Variants in KRAS observed in about 807,000 individuals in gnomAD.
The protein encoded by KRAS is GTPase KRas.
KRAS carries 1 observed loss-of-function variant against 21.0 expected under a neutral mutation model. That is an observed-to-expected ratio of 0.05 (90% CI 0.02 to 0.23). The LOEUF (loss-of-function observed/expected upper bound fraction) is 0.23. Among genes scored for constraint, KRAS ranks in the 10% least tolerant of loss-of-function variants. The pLI is 1.00. For missense variants in KRAS, 107 were observed against 221.8 expected (o/e 0.48, Z 3.29); for synonymous variants, 67 against 72.5 (o/e 0.92, Z 0.39).
In KRAS at chr12:25,206,587, C is replaced by T. The variant is rs778119780; in HGVS notation, c.*3208G>A. On this transcript the variant is annotated 3_prime_UTR_variant, in exon 5 of 5. Coordinates refer to ENST00000311936, the MANE Select transcript of KRAS (RefSeq NM_004985.5). ...TCAAAAATTCAAGAGGCCTAAATAT[C>T]CCCTCATAAGCACTGCAGTTCCTGA... is the stretch of plus-strand genomic sequence containing the variant. The T allele has an allele frequency of 4.9e-6, 1 of 203,500 alleles. No individual in the cohort carries two copies. The highest frequency in any genetic ancestry group is 2.3e-5 in the African/African-American group (1 of 43,682). 12.6% of individuals were successfully genotyped at this position (203,500 alleles called of 1,614,324 possible). A position where few individuals can be genotyped will look rare whatever the true frequency, so the allele number is the denominator to read the frequency against.
At chr12:25,248,394 G>C (rs1396384305) in intron 1 of KRAS, among the ~76,000 whole-genome samples, 1 of 148,354 alleles carries the variant, frequency 6.7e-6, no homozygotes, top group Non-Finnish European at 1.5e-5. Flanking sequence ...AGGTAGTAGC[G>C]GGCCGAGATC....
Position 25,205,377 on chromosome 12 carries a change from A to C in KRAS, c.*4418T>G, listed in dbSNP as rs773832435. 4.6e-6 allele frequency: 1 copy of C among 215,378 alleles called. No individual in the cohort carries two copies. The highest frequency in any genetic ancestry group is 9.4e-6 in the Non-Finnish European group (1 of 106,610). The allele number at this position is 215,378 out of a possible 1,614,324, so 13.3% of individuals were successfully genotyped here. ...TTTAAAAGTTAATTTCAATTAAAAG[A>C]GTGGTCATTTTTAATGTTTGATATG... On this transcript the variant is annotated 3_prime_UTR_variant, in exon 5 of 5. Coordinates refer to ENST00000311936, the MANE Select transcript of KRAS (RefSeq NM_004985.5).
At chr12:25,217,893 C>G (rs557167495) in intron 4 of KRAS, among the ~76,000 whole-genome samples, 13 of 152,126 alleles carry the variant, frequency 8.5e-5, no homozygotes, top group African/African-American at 2.9e-4. Flanking sequence ...GACCCTGTCT[C>G]TAAAAAAATT....
At chr12:25,209,994 A>T (rs1951185735) in intron 4 of KRAS, 83 bp from the exon 5 acceptor site, 3 of 985,936 alleles carry the variant, frequency 3.0e-6, no homozygotes, top group Non-Finnish European at 3.0e-6. Context: ...AATGGAAAAA[A>T]TATTAAGAAA....
At chr12:25,211,008 C>A (rs1203768745) in intron 4 of KRAS, 4 of 152,088 alleles carry the variant, frequency 2.6e-5, no homozygotes, top group African/African-American at 9.7e-5. Context: ...ATATGATTCT[C>A]TCTGTATTTT....
In KRAS at chr12:25,247,163, G is replaced by GA. The variant is rs1462876806; in HGVS notation, c.-11-1769dup. ...AATTATAAATAAGGAGAGAAATGCA[G>GA]AAAAAAATGGGAGTAAATGCACAAC... is the stretch of plus-strand genomic sequence containing the variant. On this transcript the variant is annotated intron_variant, in intron 1 of 4. Coordinates refer to ENST00000311936, the MANE Select transcript of KRAS (RefSeq NM_004985.5). 2.6e-5 allele frequency among the ~76,000 whole-genome samples: 4 copies of GA among 152,058 alleles called. No individual in the cohort carries two copies. In the South Asian group the frequency reaches 6.2e-4, roughly 24 times the overall value.
chr12:25,205,363 A>C lies in KRAS; in HGVS notation c.*4432T>G. ...TACTCCTATAAACATTTAAAAGTTA[A>C]TTTCAATTAAAAGAGTGGTCATTTT... On this transcript the variant is annotated 3_prime_UTR_variant, in exon 5 of 5. Coordinates refer to ENST00000311936, the MANE Select transcript of KRAS (RefSeq NM_004985.5). 4.7e-6 allele frequency: 1 copy of C among 214,574 alleles called. No homozygotes were observed. Among genetic ancestry groups the C allele is most frequent in the African/African-American group, 2.2e-5 (1 of 44,468 alleles). The allele number at this position is 214,574 out of a possible 1,614,324, so 13.3% of individuals were successfully genotyped here.
At chr12:25,236,744 T>C (rs2135795881) in intron 2 of KRAS, among the ~76,000 whole-genome samples, 1 of 152,182 alleles carries the variant, frequency 6.6e-6, no homozygotes, top group Middle Eastern at 3.4e-3. Context: ...AACAGCAGTA[T>C]GGACCGAAAA....
chr12:25,227,388 T>C lies in KRAS; in HGVS notation c.136A>G (p.Ile46Val). Residue 46 changes from isoleucine (I) to valine (V), a missense_variant, in exon 3 of 5, where the codon ATT (isoleucine) becomes GTT (valine). Ile to Val is a conservative substitution (Grantham distance 29). Transcript: ENST00000311936. Reference protein sequence around the residue: ...IEDSYRKQVVIDGETCLLDIL... With the variant: ...IEDSYRKQVVVDGETCLLDIL... ...TCCAAGAGACAGGTTTCTCCATCAATTACTACTTGCTTCCTGTAGGAATCC... is the reference window on the plus strand; with the variant it reads ...TCCAAGAGACAGGTTTCTCCATCAACTACTACTTGCTTCCTGTAGGAATCC... The C allele has an allele frequency of 1.2e-6, 2 of 1,614,072 alleles. 1 individual carries two copies. Among genetic ancestry groups the C allele is most frequent in the Middle Eastern group, 3.3e-4 (2 of 6,062 alleles).
At chr12:25,243,890 A>T (rs542517652) in intron 2 of KRAS, among the ~76,000 whole-genome samples, 2 of 152,386 alleles carry the variant, frequency 1.3e-5, no homozygotes, top group Non-Finnish European at 2.9e-5. Context: ...TTGCATAGGC[A>T]GTCTACTTCA....
At chr12:25,225,589 C>G (rs2141505417) in intron 4 of KRAS, 25 bp downstream of exon 4, 1 of 1,608,838 alleles carries the variant, frequency 6.2e-7, no homozygotes, top group Non-Finnish European at 8.5e-7. Flanking sequence ...GAAAACAGAT[C>G]TGTATTTATT....
chr12:25,223,655 AG>A (rs1462276534), intron 4 of KRAS, among the ~76,000 whole-genome samples: 2 of 152,220 alleles, frequency 1.3e-5, no homozygotes, highest in Admixed American at 1.3e-4. Flanking sequence ...TTGTATAACT[AG>A]GAAGAGGTAC....
At chr12:25,210,046 C>T in intron 4 of KRAS, 135 bp from the exon 5 acceptor site, 8 of 590,838 alleles carry the variant, frequency 1.4e-5, no homozygotes, top group Non-Finnish European at 2.3e-5. Flanking sequence ...ATATATATTA[C>T]ATATATTAGG....
Position 25,250,889 on chromosome 12 carries a change from C to CTT in KRAS, c.-151_-150insAA. On this transcript the variant is annotated 5_prime_UTR_variant, in exon 1 of 5. Transcript: ENST00000311936. Reference sequence around the variant, plus strand: ...GCCGCCACCTTCGCCGCCGCCACTGCCGCCGCCGCTGCTGCCTCCGCCGCC... The same window carrying CTT: ...GCCGCCACCTTCGCCGCCGCCACTGCTTCGCCGCCGCTGCTGCCTCCGCCGCC... 4.0e-6 allele frequency: 1 copy of CTT among 248,042 alleles called. No homozygotes were observed. Among genetic ancestry groups the CTT allele is most frequent in the Non-Finnish European group, 7.6e-6 (1 of 131,590 alleles). The allele number at this position is 248,042 out of a possible 1,614,324, so 15.4% of individuals were successfully genotyped here. A position where few individuals can be genotyped will look rare whatever the true frequency, so the allele number is the denominator to read the frequency against.
At chr12:25,247,330 C>T (rs1048593739) in intron 1 of KRAS, among the ~76,000 whole-genome samples, 1 of 152,184 alleles carries the variant, frequency 6.6e-6, no homozygotes, top group African/African-American at 2.4e-5. Context: ...AACCTTACTC[C>T]TAAGCCCTGC....
chr12:25,247,770 A>C (rs965551997), intron 1 of KRAS, among the ~76,000 whole-genome samples: 1 of 152,220 alleles, frequency 6.6e-6, no homozygotes, highest in African/African-American at 2.4e-5. Flanking sequence ...AATAGATTGA[A>C]TGCAGATGCA....
chr12:25,232,926 C>CA (rs761233587), intron 2 of KRAS, among the ~76,000 whole-genome samples: 1 of 152,048 alleles, frequency 6.6e-6, no homozygotes, highest in Non-Finnish European at 1.5e-5. Flanking sequence ...TAGCCTTTGA[C>CA]ATAGTAATGT....
chr12:25,208,712 T>C lies in KRAS; in HGVS notation c.*1083A>G, dbSNP rs7960917. On this transcript the variant is annotated 3_prime_UTR_variant, in exon 5 of 5. Coordinates refer to ENST00000311936, the MANE Select transcript of KRAS (RefSeq NM_004985.5). ...GTCCCTCCCCATTTTGACTAACCAA[T>C]GCATGACAACACTGGATGACCGTGG... is the stretch of plus-strand genomic sequence containing the variant. 0.19 allele frequency: 43,424 copies of C among 232,690 alleles called. 4,226 individuals are homozygous for C. Among genetic ancestry groups the C allele is most frequent in the Middle Eastern group, 0.22 (176 of 784 alleles). 14.4% of individuals were successfully genotyped at this position (232,690 alleles called of 1,614,324 possible).
At chr12:25,215,417 T>C (rs1367322234) in intron 4 of KRAS, 1 of 1,613,090 alleles carries the variant, frequency 6.2e-7, no homozygotes, top group East Asian at 2.2e-5. Flanking sequence ...CCAAAATTAA[T>C]GTGCTGAACT....
Sources: allele counts gnomAD v4.1 joint callset (sites outside exome capture counted in the v4.1 genomes callset), GRCh38; gene constraint gnomAD v4.1.1; transcripts MANE v1.5; gene names NCBI Gene and HGNC (gene_info 2026-07-23, HGNC 2026-07-21).